Variants in TMEM217B observed in about 807,000 individuals in gnomAD.
TMEM217B encodes the protein putative transmembrane protein 217B.
the TMEM217B span, among the ~76,000 whole-genome samples, chr6:37,223,469 A>G: frequency 2.0e-5 from 3 of 152,234 alleles, no homozygotes; most frequent in African/African-American, 7.2e-5. Flanking sequence ...AAAACAAACA[A>G]ATAGAAACCC....
chr6:37,249,477 G>A, the TMEM217B span, among the ~76,000 whole-genome samples: 1 of 151,992 alleles, frequency 6.6e-6, no homozygotes, highest in Non-Finnish European at 1.5e-5. Flanking sequence ...GTGCCACCAT[G>A]CCCAGATAAT....
chr6:37,222,324 C>T, the TMEM217B span, among the ~76,000 whole-genome samples: 619 of 152,330 alleles, frequency 4.1e-3, no homozygotes, highest in African/African-American at 0.013. Flanking sequence ...CCATGGCCCC[C>T]CCAGGGCTCG....
At chr6:37,236,273 C>A in the TMEM217B span, among the ~76,000 whole-genome samples, 1 of 152,186 alleles carries the variant, frequency 6.6e-6, no homozygotes, top group Non-Finnish European at 1.5e-5. Flanking sequence ...CAGGCATGAG[C>A]CACTGTGCCT....
chr6:37,243,499 G>C, the TMEM217B span, among the ~76,000 whole-genome samples: 1 of 152,214 alleles, frequency 6.6e-6, no homozygotes, highest in Non-Finnish European at 1.5e-5. Flanking sequence ...TGACACTGCA[G>C]TAAAGAAAGA....
At chr6:37,231,226 A>ATTTTTTTTT in the TMEM217B span, among the ~76,000 whole-genome samples, 1 of 87,446 alleles carries the variant, frequency 1.1e-5, no homozygotes, top group Non-Finnish European at 2.2e-5. Flanking sequence ...TGCCTGGCTA[A>ATTTTTTTTT]TTTTTTTTTT....
the TMEM217B span, among the ~76,000 whole-genome samples, chr6:37,257,057 T>C: frequency 3.3e-5 from 5 of 152,234 alleles, no homozygotes; most frequent in Non-Finnish European, 7.3e-5. Context: ...ATTCACACGA[T>C]GGAGCAATAC....
chr6:37,219,997 T>C, the TMEM217B span, among the ~76,000 whole-genome samples: 6 of 152,184 alleles, frequency 3.9e-5, no homozygotes, highest in African/African-American at 1.4e-4. Context: ...AGCCCTAGGA[T>C]AGACTAGCCT....
the TMEM217B span, among the ~76,000 whole-genome samples, chr6:37,215,609 A>G: frequency 1.3e-5 from 2 of 151,174 alleles, no homozygotes; most frequent in Non-Finnish European, 2.9e-5. Flanking sequence ...AAAGAAAAGA[A>G]AAAAGAAAAC....
the TMEM217B span, among the ~76,000 whole-genome samples, chr6:37,221,373 G>C: frequency 6.6e-6 from 1 of 152,026 alleles, no homozygotes; most frequent in Admixed American, 6.6e-5. Flanking sequence ...TTTTAGTAGA[G>C]ACGGGGTTTC....
the TMEM217B span, among the ~76,000 whole-genome samples, chr6:37,232,162 A>G: frequency 6.6e-6 from 1 of 152,160 alleles, no homozygotes; most frequent in Non-Finnish European, 1.5e-5. Flanking sequence ...GATTTGATTA[A>G]TGGGTACAAA....
chr6:37,212,468 C>A, the TMEM217B span: 1 of 452,756 alleles, frequency 2.2e-6, no homozygotes. Flanking sequence ...CATGAGTTCA[C>A]TGCAATGGTG....
chr6:37,213,313 G>A, the TMEM217B span, among the ~76,000 whole-genome samples: 701 of 152,342 alleles, frequency 4.6e-3, 7 homozygotes, highest in African/African-American at 0.016. Context: ...TGGGAATTCA[G>A]AGGTTCCTGT....
the TMEM217B span, among the ~76,000 whole-genome samples, chr6:37,223,939 CTT>C: frequency 1.6e-4 from 23 of 144,424 alleles, no homozygotes; most frequent in Admixed American, 1.0e-3. Context: ...CTGCCTCAGC[CTT>C]TTTTTTTTTT....
chr6:37,257,979 C>A, the TMEM217B span: 2 of 1,613,744 alleles, frequency 1.2e-6, no homozygotes, highest in Non-Finnish European at 1.7e-6. Flanking sequence ...GGGAGGTGAG[C>A]CCAGGACGCT....
the TMEM217B span, among the ~76,000 whole-genome samples, chr6:37,256,995 G>A: frequency 6.6e-6 from 1 of 152,170 alleles, no homozygotes; most frequent in African/African-American, 2.4e-5. Context: ...GATTAACAAG[G>A]GAAATTAAGG....
At chr6:37,223,622 C>T in the TMEM217B span, among the ~76,000 whole-genome samples, 2 of 152,112 alleles carry the variant, frequency 1.3e-5, no homozygotes, top group South Asian at 2.1e-4. Flanking sequence ...AATTATCCTG[C>T]CTCAGCCTCT....
chr6:37,257,726 C>A, the TMEM217B span: 1 of 599,478 alleles, frequency 1.7e-6, no homozygotes, highest in Non-Finnish European at 2.8e-6. Context: ...CCGTCCACGG[C>A]TTGCGCAGCT....
chr6:37,216,451 T>A, the TMEM217B span, among the ~76,000 whole-genome samples: 1 of 151,838 alleles, frequency 6.6e-6, no homozygotes, highest in East Asian at 1.9e-4. Flanking sequence ...AAGGTGGAGG[T>A]AGGCAGAGCA....
chr6:37,249,461 A>G, the TMEM217B span, among the ~76,000 whole-genome samples: 3 of 152,232 alleles, frequency 2.0e-5, no homozygotes, highest in Admixed American at 6.5e-5. Context: ...CTGGGACTAT[A>G]GACACGTGCC....
Sources: allele counts gnomAD v4.1 joint callset (sites outside exome capture counted in the v4.1 genomes callset), GRCh38; gene constraint gnomAD v4.1.1; transcripts MANE v1.5; gene names NCBI Gene and HGNC (gene_info 2026-07-23, HGNC 2026-07-21).